ERC2: variants seen among roughly 807,000 people sequenced by gnomAD.
The protein encoded by ERC2 is ELKS/RAB6-interacting/CAST family member 2, also known as ERC protein 2.
A neutral mutation model predicts 114.8 loss-of-function variants in ERC2; 42 were observed. That is an observed-to-expected ratio of 0.37 (90% confidence interval 0.29 to 0.47). The LOEUF is 0.47. ERC2 is among the 20% of genes least tolerant of loss of function. ERC2 has a pLI of 0.99. For synonymous variants in ERC2, 454 were observed against 425.5 expected, an observed-to-expected ratio of 1.07 and a Z score of -0.82; for missense variants, 939 against 1,150.7, an observed-to-expected ratio of 0.82 and a Z score of 2.66.
intron 7 of ERC2, among the ~76,000 whole-genome samples, chr3:56,075,608 T>C (rs988231671): frequency 1.3e-5 from 2 of 152,204 alleles, no homozygotes; most frequent in African/African-American, 4.8e-5. Flanking sequence ...TTTAGGATTA[T>C]GCATGTCTGT....
At chr3:55,827,360 TAAG>T (rs2060370597) in intron 14 of ERC2, among the ~76,000 whole-genome samples, 1 of 140,502 alleles carries the variant, frequency 7.1e-6, no homozygotes, top group South Asian at 2.3e-4. Context: ...GAGATGAAAG[TAAG>T]AAGAAAGAGA....
chr3:55,725,454 C>T (rs975006273), intron 15 of ERC2, among the ~76,000 whole-genome samples: 6 of 152,168 alleles, frequency 3.9e-5, no homozygotes, highest in African/African-American at 1.2e-4. Context: ...ATGTAGAAAG[C>T]ATTCTCTGAT....
intron 2 of ERC2, among the ~76,000 whole-genome samples, chr3:56,361,753 A>G (rs2058965822): frequency 6.6e-6 from 1 of 152,208 alleles, no homozygotes; most frequent in Non-Finnish European, 1.5e-5. Flanking sequence ...GATGGTTCAT[A>G]TTACTGCAGG....
At chr3:56,320,035 G>A (rs1375545775) in intron 2 of ERC2, among the ~76,000 whole-genome samples, 1 of 152,212 alleles carries the variant, frequency 6.6e-6, no homozygotes, top group Non-Finnish European at 1.5e-5. Context: ...AAGCTTATCT[G>A]AGCAAACGAC....
chr3:56,031,619 A>T (rs143393021), intron 7 of ERC2, among the ~76,000 whole-genome samples: 239 of 152,340 alleles, frequency 1.6e-3, no homozygotes, highest in South Asian at 2.9e-3. Context: ...ATACCACCCA[A>T]TGAACAAAAT....
intron 1 of ERC2, among the ~76,000 whole-genome samples, chr3:56,444,688 C>A (rs2062479756): frequency 6.6e-6 from 1 of 152,164 alleles, no homozygotes; most frequent in African/African-American, 2.4e-5. Flanking sequence ...CTGGAACAGT[C>A]TATTTTAAGA....
intron 12 of ERC2, among the ~76,000 whole-genome samples, chr3:55,964,605 T>C (rs935381353): frequency 2.5e-4 from 38 of 152,336 alleles, no homozygotes; most frequent in Admixed American, 1.8e-3. Context: ...TATTGGTACA[T>C]AACAAATTCC....
intron 15 of ERC2, among the ~76,000 whole-genome samples, chr3:55,709,114 C>T (rs1026628132): frequency 2.0e-5 from 3 of 152,092 alleles, no homozygotes; most frequent in South Asian, 2.1e-4. Context: ...AAAACAGCCT[C>T]GGGGTATCGC....
chr3:55,713,109 TCTC>T, intron 15 of ERC2, among the ~76,000 whole-genome samples: 1 of 112,526 alleles, frequency 8.9e-6, no homozygotes, highest in East Asian at 2.2e-4. Context: ...TCTCTCTCTC[TCTC>T]TCTCTCTCTC....
intron 10 of ERC2, among the ~76,000 whole-genome samples, chr3:55,996,700 G>C (rs1053275031): frequency 1.3e-5 from 2 of 152,294 alleles, no homozygotes; most frequent in African/African-American, 4.8e-5. Flanking sequence ...ATGTGGGCAG[G>C]CCTCTGGGTT....
intron 7 of ERC2, among the ~76,000 whole-genome samples, chr3:56,075,385 C>G (rs2076925583): frequency 6.6e-6 from 1 of 152,176 alleles, no homozygotes; most frequent in Admixed American, 6.5e-5. Context: ...GTTATGAAAT[C>G]AAAGTGGTGT....
At chr3:55,685,885 A>G (rs545249929) in intron 16 of ERC2, among the ~76,000 whole-genome samples, 151 of 152,216 alleles carry the variant, frequency 9.9e-4, no homozygotes, top group Non-Finnish European at 1.8e-3. Context: ...TTTAAAACCC[A>G]ACATATATAC....
intron 17 of ERC2, among the ~76,000 whole-genome samples, chr3:55,621,033 A>G (rs1029216722): frequency 6.6e-6 from 1 of 152,194 alleles, no homozygotes; most frequent in African/African-American, 2.4e-5. Context: ...GATATGAAAG[A>G]TGGTTGCATG....
At chr3:55,793,702 T>A (rs1323676530) in intron 14 of ERC2, among the ~76,000 whole-genome samples, 1 of 152,202 alleles carries the variant, frequency 6.6e-6, no homozygotes, top group African/African-American at 2.4e-5. Flanking sequence ...TTAAAAGGGA[T>A]AACACTTCAC....
intron 17 of ERC2, among the ~76,000 whole-genome samples, chr3:55,667,207 C>T (rs1401534967): frequency 6.6e-6 from 1 of 152,100 alleles, no homozygotes; most frequent in Admixed American, 6.5e-5. Context: ...ATCTCAGGGC[C>T]ACATACTTCA....
At chr3:56,456,836 C>G (rs1302831102) in intron 1 of ERC2, among the ~76,000 whole-genome samples, 1 of 152,124 alleles carries the variant, frequency 6.6e-6, no homozygotes, top group East Asian at 1.9e-4. Flanking sequence ...TACTTGTCGG[C>G]AGGTAAGGTC....
chr3:55,803,180 T>C (rs1022246499), intron 14 of ERC2, among the ~76,000 whole-genome samples: 3 of 152,202 alleles, frequency 2.0e-5, no homozygotes, highest in African/African-American at 4.8e-5. Flanking sequence ...AAGCCTTGAG[T>C]GTTGATAATT....
In ERC2 at chr3:56,018,921, C is replaced by T. The variant is rs182855851; in HGVS notation, c.1752G>A (p.Ala584=). 1.0e-3 allele frequency: 1,657 copies of T among 1,612,868 alleles called. 3 individuals carry two copies. The highest frequency in any genetic ancestry group is 2.9e-3 in the Admixed American group (172 of 59,906). The change falls in exon 8 of 18, where the codon GCG becomes GCA. Residue 584 remains alanine, a synonymous_variant. Transcript: ENST00000288221. ...TDSSNTDTAL[A]TLEEALSEKE... is the part of the protein sequence containing the mutation. Reference sequence around the variant, plus strand: ...TCTCTGACAGAGCTTCCTCTAGCGTCGCCAGTGCAGTATCTGTATTACTGG... The same window carrying T: ...TCTCTGACAGAGCTTCCTCTAGCGTTGCCAGTGCAGTATCTGTATTACTGG...
intron 2 of ERC2, among the ~76,000 whole-genome samples, chr3:56,321,124 G>A (rs2057109976): frequency 6.6e-6 from 1 of 152,122 alleles, no homozygotes. Flanking sequence ...ATGTCCCCAG[G>A]AGAGTATAAA....
Sources: gnomAD v4.1 joint callset for allele counts (sites outside exome capture counted in the v4.1 genomes callset) on GRCh38, gnomAD v4.1.1 for gene constraint, MANE v1.5 for transcripts, NCBI Gene and HGNC (gene_info 2026-07-23, HGNC 2026-07-21) for gene names.